CRB1: variants seen among roughly 807,000 people sequenced by gnomAD.
CRB1 encodes crumbs cell polarity complex component 1, also known as protein crumbs homolog 1.
CRB1 carries 83 observed loss-of-function variants against 120.0 expected under a neutral mutation model. The ratio of observed to expected loss-of-function variants is 0.69; its 90% confidence interval spans 0.58 to 0.83. The LOEUF is 0.83. Among genes scored for constraint, CRB1 ranks in the 40% least tolerant of loss-of-function variants. The probability of loss-of-function intolerance (pLI) is 0.00; values close to 1 mark genes in which losing one functional copy is unlikely to be tolerated. For missense variants in CRB1, 1,699 were observed against 1,687.6 expected, an observed-to-expected ratio of 1.01 and a Z score of -0.12; for synonymous variants, 625 against 612.5, an observed-to-expected ratio of 1.02 and a Z score of -0.30.
chr1:197,436,754 G>T (rs1429019547), intron 9 of CRB1, among the ~76,000 whole-genome samples: 1 of 152,058 alleles, frequency 6.6e-6, no homozygotes, highest in Non-Finnish European at 1.5e-5. Flanking sequence ...TTTGCATTTT[G>T]ACGAACAAGA....
At chr1:197,377,986 C>G (rs546268033) in intron 5 of CRB1, among the ~76,000 whole-genome samples, 4 of 152,128 alleles carry the variant, frequency 2.6e-5, no homozygotes, top group Admixed American at 6.5e-5. Context: ...AGTTAATTGG[C>G]TTATGGCAAA....
At chr1:197,348,394 G>T (rs1403602895) in intron 4 of CRB1, among the ~76,000 whole-genome samples, 1 of 151,876 alleles carries the variant, frequency 6.6e-6, no homozygotes, top group Non-Finnish European at 1.5e-5. Context: ...GTGTGTGCTT[G>T]GTTCTTAATT....
intron 5 of CRB1, among the ~76,000 whole-genome samples, chr1:197,409,072 A>AT (rs1332169281): frequency 6.6e-5 from 10 of 151,970 alleles, no homozygotes; most frequent in Non-Finnish European, 1.2e-4. Context: ...TGGGCTCAGT[A>AT]TTTTTTTTAT....
chr1:197,391,440 A>G (rs1277541937), intron 5 of CRB1, among the ~76,000 whole-genome samples: 1 of 152,058 alleles, frequency 6.6e-6, no homozygotes, highest in Non-Finnish European at 1.5e-5. Context: ...TATCATTTTG[A>G]AGAGTATAAA....
At chr1:197,388,253 T>C (rs1216488000) in intron 5 of CRB1, among the ~76,000 whole-genome samples, 1 of 152,082 alleles carries the variant, frequency 6.6e-6, no homozygotes, top group Admixed American at 6.6e-5. Context: ...TTTAAGTTTC[T>C]TAGGATCAAA....
intron 1 of CRB1, among the ~76,000 whole-genome samples, chr1:197,282,368 T>C (rs1423839826): frequency 1.3e-5 from 2 of 151,850 alleles, no homozygotes; most frequent in Admixed American, 6.6e-5. Flanking sequence ...AATTTTACAC[T>C]ATGGATTCAA....
At chr1:197,268,237 T>C (rs187413046), upstream of CRB1, 159 of 622,470 alleles carry the variant, frequency 2.6e-4, no homozygotes, top group Non-Finnish European at 3.2e-4. Flanking sequence ...AAGCACAAAC[T>C]GCATTTTGAA....
chr1:197,267,092 C>T (rs1654665307), upstream of CRB1, among the ~76,000 whole-genome samples: 1 of 152,064 alleles, frequency 6.6e-6, no homozygotes, highest in Non-Finnish European at 1.5e-5. Context: ...TGACACTGAC[C>T]CACCAGATGA....
chr1:197,242,367 T>C, the CRB1 span, among the ~76,000 whole-genome samples: 1 of 152,190 alleles, frequency 6.6e-6, no homozygotes, highest in Admixed American at 6.6e-5. Flanking sequence ...ACCTGGTTTA[T>C]TGAAAGTTTT....
At chr1:197,212,858 C>T in the CRB1 span, among the ~76,000 whole-genome samples, 1,777 of 152,016 alleles carry the variant, frequency 0.012, 29 homozygotes, top group Non-Finnish European at 0.017. Context: ...AATTTACAGG[C>T]AAATTTACTA....
intron 9 of CRB1, among the ~76,000 whole-genome samples, chr1:197,435,836 T>C (rs921611771): frequency 3.3e-5 from 5 of 152,222 alleles, no homozygotes; most frequent in Admixed American, 1.3e-4. Flanking sequence ...TTCAGCAAAA[T>C]ATTTTCTCAG....
rs143467314 is a variant in CRB1 at position 197,345,940 on chromosome 1, G to C, written c.849-1400G>C. 2.6e-5 allele frequency among the ~76,000 whole-genome samples: 4 copies of C among 152,118 alleles called. No homozygotes were observed. In the East Asian group the frequency reaches 7.7e-4, roughly 29 times the overall value. On this transcript the variant is annotated intron_variant, in intron 3 of 11. Transcript: ENST00000367400. The stretch of plus-strand genomic sequence containing the variant: ...AGGGGCATAAATCTACATTCCTGGA[G>C]ACAGGTAACTGGCCAACACAGAGAC...
At chr1:197,375,836 C>A (rs1661617900) in intron 5 of CRB1, among the ~76,000 whole-genome samples, 1 of 152,206 alleles carries the variant, frequency 6.6e-6, no homozygotes, top group East Asian at 1.9e-4. Flanking sequence ...ATGCATACAC[C>A]TCCTCAGATA....
chr1:197,329,463 A>G (rs1398191288), intron 2 of CRB1, among the ~76,000 whole-genome samples: 1 of 152,222 alleles, frequency 6.6e-6, no homozygotes, highest in African/African-American at 2.4e-5. Context: ...GGAGCATGGT[A>G]TATCAGATAA....
At chr1:197,348,713 T>A (rs1265848067) in intron 4 of CRB1, among the ~76,000 whole-genome samples, 1 of 152,062 alleles carries the variant, frequency 6.6e-6, no homozygotes, top group African/African-American at 2.4e-5. Flanking sequence ...CCTAACCTTG[T>A]GATCCGCCCG....
chr1:197,226,790 T>C, the CRB1 span, among the ~76,000 whole-genome samples: 4 of 152,106 alleles, frequency 2.6e-5, no homozygotes, highest in Admixed American at 6.5e-5. Flanking sequence ...TAATTGGACT[T>C]ACAGTTCCAC....
intron 5 of CRB1, among the ~76,000 whole-genome samples, chr1:197,395,657 C>T (rs753293208): frequency 5.3e-5 from 8 of 152,082 alleles, no homozygotes; most frequent in African/African-American, 1.2e-4. Context: ...TGTGCCAGCA[C>T]GGACCTCCCT....
At chr1:197,269,146 CTG>C (rs1481230383) in intron 1 of CRB1, among the ~76,000 whole-genome samples, 2 of 152,340 alleles carry the variant, frequency 1.3e-5, no homozygotes, top group African/African-American at 2.4e-5. Context: ...ATTGCCCCAG[CTG>C]TGTGTTTATG....
chr1:197,357,918 T>C (rs1660574701), intron 5 of CRB1: 3 of 152,292 alleles, frequency 2.0e-5, no homozygotes, highest in South Asian at 4.1e-4. Context: ...AAGGAGAACA[T>C]ACAGTAAAAA....
Sources: gnomAD v4.1 joint callset for allele counts (sites outside exome capture counted in the v4.1 genomes callset) on GRCh38, gnomAD v4.1.1 for gene constraint, MANE v1.5 for transcripts, NCBI Gene and HGNC (gene_info 2026-07-23, HGNC 2026-07-21) for gene names.